The following POM121C variants were observed in gnomAD, a reference collection of about 807,000 sequenced individuals.
POM121C encodes nuclear envelope pore membrane protein POM 121C.
Under a neutral mutation model 66.4 loss-of-function variants are expected in POM121C, and 20 were observed. That is an observed-to-expected ratio of 0.30 (90% CI 0.21 to 0.44). The LOEUF (loss-of-function observed/expected upper bound fraction) is 0.44. Ranked by LOEUF, POM121C falls within the 20% of genes least tolerant of loss-of-function variation. POM121C has a pLI of 1.00. For synonymous variants in POM121C, 286 were observed against 528.0 expected (o/e 0.54, Z 6.28); for missense variants, 580 against 1,225.7 (o/e 0.47, Z 7.87).
At chr7:75,466,906 A>C (rs782504668) in intron 3 of POM121C, among the ~76,000 whole-genome samples, 1 of 152,218 alleles carries the variant, frequency 6.6e-6, no homozygotes, top group Non-Finnish European at 1.5e-5. Flanking sequence ...AGTGGGAAAA[A>C]GACCCAGAGA....
At chr7:75,431,845 G>A (rs1790196305) in intron 7 of POM121C, among the ~76,000 whole-genome samples, 1 of 152,002 alleles carries the variant, frequency 6.6e-6, no homozygotes, top group African/African-American at 2.4e-5. Flanking sequence ...TCAGCTATTT[G>A]GGAGGCTGAG....
intron 3 of POM121C, among the ~76,000 whole-genome samples, chr7:75,473,067 A>G (rs1791935829): frequency 1.3e-5 from 2 of 152,220 alleles, no homozygotes; most frequent in South Asian, 4.1e-4. Flanking sequence ...GAAGACTAGC[A>G]CAATCAAATA....
intron 3 of POM121C, among the ~76,000 whole-genome samples, chr7:75,472,826 G>C (rs1283306955): frequency 6.8e-6 from 1 of 147,776 alleles, no homozygotes; most frequent in Non-Finnish European, 1.5e-5. Flanking sequence ...GGAAGGAAGG[G>C]AGGGAGGGAG....
At chr7:75,429,630 CACAAA>C (rs1379769950) in intron 7 of POM121C, among the ~76,000 whole-genome samples, 1 of 151,926 alleles carries the variant, frequency 6.6e-6, no homozygotes, top group Non-Finnish European at 1.5e-5. Flanking sequence ...GACTCCATCT[CACAAA>C]ACAAAACAAA....
intron 3 of POM121C, among the ~76,000 whole-genome samples, chr7:75,454,533 G>C (rs1275878688): frequency 6.6e-6 from 1 of 152,150 alleles, no homozygotes; most frequent in Non-Finnish European, 1.5e-5. Flanking sequence ...CCAGTCAGCG[G>C]TGTCCCAGGA....
intron 3 of POM121C, among the ~76,000 whole-genome samples, chr7:75,466,332 G>A (rs1791648179): frequency 6.6e-6 from 1 of 151,708 alleles, no homozygotes; most frequent in African/African-American, 2.4e-5. Context: ...CAGGCTGGGA[G>A]GGGTGGCTCA....
rs587691770 is a variant in POM121C, at chr7:75,479,432, A to G, written c.-457-4244T>C. On this transcript the variant is annotated intron_variant, in intron 1 of 14. Transcript: ENST00000615331. ...GGAGTTCGAGACCAGCCTGGCCAAC[A>G]TGGCGAAACCTCGTCTCTACTAAAA... Among the ~76,000 whole-genome samples the G allele has an allele frequency of 5.8e-4, 88 of 151,930 alleles. 1 individual carries two copies. Among genetic ancestry groups the G allele is most frequent in the South Asian group, 1.2e-3 (6 of 4,806 alleles).
intron 3 of POM121C, among the ~76,000 whole-genome samples, chr7:75,467,291 G>A (rs1291894313): frequency 1.3e-5 from 2 of 152,112 alleles, no homozygotes; most frequent in Non-Finnish European, 2.9e-5. Flanking sequence ...CAGCACTTTG[G>A]GAGGCTGAGG....
intron 1 of POM121C, among the ~76,000 whole-genome samples, chr7:75,480,799 A>C (rs1792276971): frequency 6.6e-6 from 1 of 152,134 alleles, no homozygotes; most frequent in African/African-American, 2.4e-5. Flanking sequence ...CCTAGACTGA[A>C]TCTTCTACCA....
At chr7:75,431,156 A>G (rs1554472303) in intron 7 of POM121C, among the ~76,000 whole-genome samples, 2 of 152,194 alleles carry the variant, frequency 1.3e-5, no homozygotes, top group African/African-American at 2.4e-5. Flanking sequence ...AATAGCCAAT[A>G]AACAGTTGGT....
rs1188831811 is a variant in POM121C, at chr7:75,475,058, T to C, written c.-331+4A>G. 4.4e-6 allele frequency: 6 copies of C among 1,363,464 alleles called. No homozygotes were observed. The highest frequency in any genetic ancestry group is 3.5e-5 in the South Asian group (3 of 85,094). The allele number at this position is 1,363,464 out of a possible 1,614,324, so 84.5% of individuals were successfully genotyped here. ...AGAGCATTCAGAAAGCAAGCTATCCTCACCCAAGGAAACTAGATGGCTGTA... is the reference window on the plus strand; with the variant it reads ...AGAGCATTCAGAAAGCAAGCTATCCCCACCCAAGGAAACTAGATGGCTGTA... On this transcript the variant is annotated splice_donor_region_variant and intron_variant, in intron 2 of 14. Transcript: ENST00000615331.
intron 1 of POM121C, among the ~76,000 whole-genome samples, chr7:75,484,025 C>T (rs1192979029): frequency 1.3e-5 from 2 of 151,702 alleles, no homozygotes; most frequent in Non-Finnish European, 2.9e-5. Context: ...TCACTTGAAC[C>T]CAGGAGGTGG....
Position 75,417,256 on chromosome 7 carries a change from G to A in POM121C, c.*1540C>T, listed in dbSNP as rs1290355222. 4 of 910,708 alleles carry A rather than the reference G, an allele frequency of 4.4e-6. No individual in the cohort carries two copies. Among genetic ancestry groups the A allele is most frequent in the Non-Finnish European group, 5.3e-6 (4 of 761,564 alleles). The allele number at this position is 910,708 out of a possible 1,614,324, so 56.4% of individuals were successfully genotyped here. On this transcript the variant is annotated 3_prime_UTR_variant, in exon 15 of 15. Transcript: ENST00000615331. ...TACATTTCATATAACATGGCCAGAA[G>A]GAGCTCTAGTCCCCCAGGAAAGCTG...
At chr7:75,484,153 C>CG (rs1792417179) in intron 1 of POM121C, 1 of 1,586,048 alleles carries the variant, frequency 6.3e-7, no homozygotes, top group Non-Finnish European at 8.6e-7. Context: ...TAAAATGCAT[C>CG]ATAAAATAAA....
chr7:75,485,734 C>T, intron 1 of POM121C, 130 bp downstream of exon 1: 1 of 385,676 alleles, frequency 2.6e-6, no homozygotes, highest in Non-Finnish European at 5.1e-6. Flanking sequence ...CGGACCCTGC[C>T]CTCAAACCCA....
Position 75,417,068 on chromosome 7 carries a change from C to A in POM121C, c.*1728G>T, listed in dbSNP as rs1789495518. 1 of 681,934 alleles carries A rather than the reference C, an allele frequency of 1.5e-6. No individual in the cohort carries two copies. The highest frequency in any genetic ancestry group is 1.2e-4 in the East Asian group (1 of 8,672). 42.2% of individuals were successfully genotyped at this position (681,934 alleles called of 1,614,324 possible). A position where few individuals can be genotyped will look rare whatever the true frequency, so the allele number is the denominator to read the frequency against. On this transcript the variant is annotated 3_prime_UTR_variant, in exon 15 of 15. Transcript: ENST00000615331. ...TAAGGTACAGGTAGAAGCTTGATTG[C>A]TAGGCCCAGGCCCACCCAGACCCTC...
rs141279243 is a variant in POM121C, at chr7:75,435,731, T to C, written c.480+1784A>G. Among the ~76,000 whole-genome samples, 585 of 152,330 alleles carry C rather than the reference T, an allele frequency of 3.8e-3. 4 individuals are homozygous for C. Among genetic ancestry groups the C allele is most frequent in the African/African-American group, 0.013 (559 of 41,568 alleles). ...TCAGCAGTCTTAATAATGACAGTGTTAATAATGACACTGATATTGCTATTT... is the reference window on the plus strand; with the variant it reads ...TCAGCAGTCTTAATAATGACAGTGTCAATAATGACACTGATATTGCTATTT... On this transcript the variant is annotated intron_variant, in intron 7 of 14. Coordinates refer to ENST00000615331, the MANE Select transcript of POM121C (RefSeq NM_001099415.3).
chr7:75,471,608 GGGCAGAAGCACCA>G (rs1306636706), intron 3 of POM121C, among the ~76,000 whole-genome samples: 3 of 152,070 alleles, frequency 2.0e-5, no homozygotes, highest in Non-Finnish European at 4.4e-5. Flanking sequence ...GCAGAAACCA[GGGCAGAAGCACCA>G]GGCAGAGATG....
At chr7:75,431,862 G>T (rs1554472404) in intron 7 of POM121C, among the ~76,000 whole-genome samples, 1 of 152,082 alleles carries the variant, frequency 6.6e-6, no homozygotes, top group African/African-American at 2.4e-5. Flanking sequence ...TGAGGCATGA[G>T]AATCACTTGA....
Sources: gnomAD v4.1 joint callset for allele counts (sites outside exome capture counted in the v4.1 genomes callset) on GRCh38, gnomAD v4.1.1 for gene constraint, MANE v1.5 for transcripts, NCBI Gene and HGNC (gene_info 2026-07-23, HGNC 2026-07-21) for gene names.